The following TMOD3 variants were observed in gnomAD, a reference collection of about 807,000 sequenced individuals.
TMOD3 encodes the protein tropomodulin 3.
A neutral mutation model predicts 39.2 loss-of-function variants in TMOD3; 20 were observed. The ratio of observed to expected loss-of-function variants is 0.51; its 90% CI spans 0.36 to 0.74. The LOEUF (loss-of-function observed/expected upper bound fraction) is 0.74, where lower values mean the gene tolerates loss of function less well. Ranked by LOEUF, TMOD3 falls within the 30% of genes least tolerant of loss-of-function variation. The pLI is 0.00. For missense variants in TMOD3, 381 were observed against 412.8 expected (o/e 0.92, Z 0.67); for synonymous variants, 143 against 145.8 (o/e 0.98, Z 0.14).
chr15:51,880,738 A>T (rs562841010), intron 3 of TMOD3, among the ~76,000 whole-genome samples: 1 of 152,316 alleles, frequency 6.6e-6, no homozygotes, highest in East Asian at 1.9e-4. Context: ...GTTAATGGAC[A>T]TGGGTTGTTG....
At chr15:51,888,929 G>T (rs2056578924) in intron 4 of TMOD3, 127 bp from the exon 5 acceptor site, 1 of 608,290 alleles carries the variant, frequency 1.6e-6, no homozygotes, top group Non-Finnish European at 2.9e-6. Context: ...TTTGTTTTCT[G>T]TGTGGGTGTG....
chr15:51,859,854 T>C, intron 1 of TMOD3: 1 of 526,172 alleles, frequency 1.9e-6, no homozygotes, highest in Admixed American at 2.0e-5. Flanking sequence ...ACAACTCAAG[T>C]CAACTGCTTG....
At position 51,861,692 on chromosome 15, in the gene TMOD3, A is replaced by G. The variant is rs192574897; in HGVS notation, c.-74-1119A>G. On this transcript the variant is annotated intron_variant, in intron 1 of 9. Transcript: ENST00000308580. Reference sequence around the variant, plus strand: ...TTTTTTTTTGAGACAAGGTCTTGCTATGTCACCCAGGCTAGAGTGTAAAGG... The same window carrying G: ...TTTTTTTTTGAGACAAGGTCTTGCTGTGTCACCCAGGCTAGAGTGTAAAGG... Among the ~76,000 whole-genome samples the G allele has an allele frequency of 1.6e-3, 222 of 140,996 alleles. 11 individuals carry two copies. The highest frequency in any genetic ancestry group is 0.01 in the East Asian group (50 of 4,846). The allele number at this position is 140,996 out of a possible 152,430, so 92.5% of individuals were successfully genotyped here.
chr15:51,905,135 A>G (rs1196715422), intron 9 of TMOD3, among the ~76,000 whole-genome samples: 1 of 152,248 alleles, frequency 6.6e-6, no homozygotes, highest in African/African-American at 2.4e-5. Context: ...GACTCATATC[A>G]TGATGCTGGC....
intron 9 of TMOD3, among the ~76,000 whole-genome samples, chr15:51,903,939 C>T (rs772465972): frequency 2.0e-4 from 31 of 152,288 alleles, no homozygotes; most frequent in Non-Finnish European, 2.6e-4. Flanking sequence ...CTCATTAGTG[C>T]GCTACACAGC....
Position 51,862,884 on chromosome 15 carries a change from C to A in TMOD3, c.-1C>A. The A allele has an allele frequency of 3.7e-6, 6 of 1,612,858 alleles. No homozygotes were observed. Among genetic ancestry groups the A allele is most frequent in the East Asian group, 2.2e-5 (1 of 44,860 alleles). ...TTAAGTGACTTGCTGCCCTGCACAT[C>A]ATGGCACTGCCATTCCGTAAGGACT... On this transcript the variant is annotated 5_prime_UTR_variant, in exon 2 of 10. Coordinates refer to ENST00000308580, the MANE Select transcript of TMOD3 (RefSeq NM_014547.5).
At chr15:51,832,229 AT>A (rs1284490029) in intron 1 of TMOD3, among the ~76,000 whole-genome samples, 12 of 136,150 alleles carry the variant, frequency 8.8e-5, no homozygotes, top group African/African-American at 3.1e-4. Context: ...ATATATATAT[AT>A]ATGAATGACA....
chr15:51,875,864 C>CAAGGTGGGT (rs2056500303), intron 3 of TMOD3, among the ~76,000 whole-genome samples: 1 of 152,032 alleles, frequency 6.6e-6, no homozygotes, highest in African/African-American at 2.4e-5. Context: ...GTGATCCACC[C>CAAGGTGGGT]ACCTTGGCCT....
chr15:51,906,985 A>C (rs1049012715), intron 9 of TMOD3, among the ~76,000 whole-genome samples: 1 of 147,078 alleles, frequency 6.8e-6, no homozygotes, highest in Non-Finnish European at 1.5e-5. Context: ...GCGCCATTGC[A>C]CTCCAGCCTG....
chr15:51,908,025 T>C (rs1445163567), intron 9 of TMOD3, among the ~76,000 whole-genome samples: 8 of 152,206 alleles, frequency 5.3e-5, no homozygotes, highest in African/African-American at 4.8e-5. Flanking sequence ...GACCCTGAAC[T>C]GGTTTATATT....
At chr15:51,859,161 A>G in intron 1 of TMOD3, 1 of 696,748 alleles carries the variant, frequency 1.4e-6, no homozygotes, top group South Asian at 1.5e-5. Context: ...ACTGTTTCAC[A>G]AAGATGGCTG....
chr15:51,887,654 C>A lies in TMOD3; in HGVS notation c.349C>A (p.Pro117Thr). ...TFTEEKVSLD[P>T]ELEEALTSAS... ...TACAGAAGAAAAAGTGTCTCTTGAT[C>A]CAGAATTAGAAGAAGCTTTGACAAG... Residue 117 changes from proline (P) to threonine (T), a missense_variant, in exon 4 of 10, where the codon CCA (proline) becomes ACA (threonine). By Grantham distance (38) the Pro-to-Thr change is conservative. Transcript: ENST00000308580. 6.2e-7 allele frequency: 1 copy of A among 1,613,906 alleles called. No homozygotes were observed. Among genetic ancestry groups the A allele is most frequent in the Non-Finnish European group, 8.5e-7 (1 of 1,179,948 alleles).
chr15:51,877,598 T>G (rs960585871), intron 3 of TMOD3, among the ~76,000 whole-genome samples: 1 of 151,780 alleles, frequency 6.6e-6, no homozygotes, highest in African/African-American at 2.4e-5. Context: ...GAGAATCTCT[T>G]GAAACCGGAA....
At chr15:51,844,473 C>G (rs1159635873) in intron 1 of TMOD3, among the ~76,000 whole-genome samples, 1 of 152,140 alleles carries the variant, frequency 6.6e-6, no homozygotes, top group Non-Finnish European at 1.5e-5. Context: ...GTCAATTTTT[C>G]TAACCTATTT....
In TMOD3 at chr15:51,887,583, T is replaced by C; in HGVS notation, c.284-6T>C. On this transcript the variant is annotated splice_polypyrimidine_tract_variant and splice_region_variant and intron_variant, in intron 3 of 9. Transcript: ENST00000308580. ...AATGGAATTAACAAAATGCTTTATTTTACAGGGAAAATATTTATCCCCAAA... is the reference window on the plus strand; with the variant it reads ...AATGGAATTAACAAAATGCTTTATTCTACAGGGAAAATATTTATCCCCAAA... 6.2e-7 allele frequency: 1 copy of C among 1,609,298 alleles called. No individual in the cohort carries two copies. Among genetic ancestry groups the C allele is most frequent in the East Asian group, 2.2e-5 (1 of 44,804 alleles).
Position 51,896,502 on chromosome 15 carries a change from C to T in TMOD3, c.711C>T (p.Thr237=). 1 of 1,613,748 alleles carries T rather than the reference C, an allele frequency of 6.2e-7. No individual in the cohort carries two copies. The highest frequency in any genetic ancestry group is 8.5e-7 in the Non-Finnish European group (1 of 1,179,768). The change falls in exon 7 of 10, where the codon ACC becomes ACT. Residue 237 remains threonine (T), a synonymous_variant. Coordinates refer to ENST00000308580, the MANE Select transcript of TMOD3 (RefSeq NM_014547.5). ...TGAAATGTTTCAGTCTTGCAGCCACCCGGAGCAATGACCCTGTTGCTACTG... is the reference window on the plus strand; with the variant it reads ...TGAAATGTTTCAGTCTTGCAGCCACTCGGAGCAATGACCCTGTTGCTACTG... ...THVKCFSLAA[T]RSNDPVATAF...
intron 3 of TMOD3, among the ~76,000 whole-genome samples, chr15:51,882,442 G>A (rs928333341): frequency 1.3e-5 from 2 of 151,892 alleles, no homozygotes; most frequent in Non-Finnish European, 2.9e-5. Context: ...GAGGTTGCAT[G>A]GAGCTGAGAT....
At chr15:51,876,072 T>C (rs1219268394) in intron 3 of TMOD3, among the ~76,000 whole-genome samples, 1 of 152,228 alleles carries the variant, frequency 6.6e-6, no homozygotes. Flanking sequence ...AAACCTACTT[T>C]GCCTGATGTT....
At chr15:51,830,213 G>A (rs1325397764) in intron 1 of TMOD3, among the ~76,000 whole-genome samples, 1 of 152,134 alleles carries the variant, frequency 6.6e-6, no homozygotes, top group East Asian at 1.9e-4. Context: ...AGATGGCACC[G>A]AGCCTCCTTC....
Sources: allele counts gnomAD v4.1 joint callset (sites outside exome capture counted in the v4.1 genomes callset), GRCh38; gene constraint gnomAD v4.1.1; transcripts MANE v1.5; gene names NCBI Gene and HGNC (gene_info 2026-07-23, HGNC 2026-07-21).